CCDC7: variants seen among roughly 807,000 people sequenced by gnomAD.
CCDC7 encodes the protein coiled-coil domain containing 7.
In CCDC7, 183 loss-of-function variants were observed where a neutral mutation model predicts 196.9. The ratio of observed to expected loss-of-function variants is 0.93; its 90% confidence interval spans 0.82 to 1.05. The LOEUF (loss-of-function observed/expected upper bound fraction) is 1.05, where lower values mean the gene tolerates loss of function less well. CCDC7 is among the 50% of genes least tolerant of loss of function. CCDC7 has a pLI of 0.00. For missense variants in CCDC7, 1,540 were observed against 1,482.2 expected, an observed-to-expected ratio of 1.04 and a Z score of -0.64; for synonymous variants, 525 against 484.6, an observed-to-expected ratio of 1.08 and a Z score of -1.10.
At chr10:32,501,040 GGGGAGAGGGAGA>G (rs139553454) in intron 9 of CCDC7, among the ~76,000 whole-genome samples, 26 of 151,874 alleles carry the variant, frequency 1.7e-4, no homozygotes, top group South Asian at 4.2e-4. Flanking sequence ...ACCATGCAAA[GGGGAGAGGGAGA>G]GGGAGAGGGA....
upstream of CCDC7, among the ~76,000 whole-genome samples, chr10:32,445,089 A>T (rs1233892839): frequency 6.6e-6 from 1 of 152,120 alleles, no homozygotes; most frequent in Non-Finnish European, 1.5e-5. Context: ...CCTGACCTCG[A>T]GTGATGCACT....
Position 32,766,167 on chromosome 10 carries a change from T to C in CCDC7, c.2906-12810T>C, listed in dbSNP as rs529003741. 3.6e-4 allele frequency among the ~76,000 whole-genome samples: 55 copies of C among 152,176 alleles called. No individual in the cohort carries two copies. The South Asian group carries it at 0.011, about 30-fold the overall frequency. On this transcript the variant is annotated intron_variant, in intron 28 of 41. Coordinates refer to ENST00000639629, the Ensembl canonical transcript of CCDC7. ...TTTAGGGGCCTTCTACATCATGAAA[T>C]GTTTAGAAGTCTAGTGGAATGGGAC...
intron 16 of CCDC7, among the ~76,000 whole-genome samples, chr10:32,576,369 A>C (rs1180588887): frequency 6.6e-6 from 1 of 151,882 alleles, no homozygotes; most frequent in Admixed American, 6.6e-5. Context: ...CTACTCCCTA[A>C]CTTCTAGGTG....
At chr10:32,668,730 C>T (rs2073389126) in intron 21 of CCDC7, among the ~76,000 whole-genome samples, 1 of 152,136 alleles carries the variant, frequency 6.6e-6, no homozygotes, top group Non-Finnish European at 1.5e-5. Context: ...CCCACTTGAT[C>T]ATGGTGGATA....
intron 21 of CCDC7, among the ~76,000 whole-genome samples, chr10:32,676,608 C>T (rs1203596470): frequency 6.6e-6 from 1 of 152,100 alleles, no homozygotes; most frequent in Admixed American, 6.5e-5. Flanking sequence ...AGCCAAAAAA[C>T]ACATGAAAAA....
At chr10:32,722,835 G>A (rs2082603846) in intron 25 of CCDC7, among the ~76,000 whole-genome samples, 1 of 152,100 alleles carries the variant, frequency 6.6e-6, no homozygotes, top group East Asian at 1.9e-4. Context: ...TCATAGTTGT[G>A]CACCAAATCC....
At chr10:32,553,755 C>G (rs1469989339) in intron 13 of CCDC7, among the ~76,000 whole-genome samples, 1 of 152,076 alleles carries the variant, frequency 6.6e-6, no homozygotes, top group Non-Finnish European at 1.5e-5. Flanking sequence ...TGCACAGAGT[C>G]CTGTGATATG....
At chr10:32,603,723 T>A (rs1254395534) in intron 18 of CCDC7, among the ~76,000 whole-genome samples, 2 of 152,128 alleles carry the variant, frequency 1.3e-5, no homozygotes, top group Non-Finnish European at 2.9e-5. Context: ...GAGCATTTTT[T>A]AAATATTTGC....
At chr10:32,528,032 T>A (rs1316527206) in intron 11 of CCDC7, among the ~76,000 whole-genome samples, 4 of 152,182 alleles carry the variant, frequency 2.6e-5, no homozygotes, top group African/African-American at 9.7e-5. Flanking sequence ...CCTCCCTGCC[T>A]ACCCACTGAC....
At chr10:32,791,844 G>A (rs2082744353) in intron 29 of CCDC7, among the ~76,000 whole-genome samples, 2 of 152,250 alleles carry the variant, frequency 1.3e-5, no homozygotes, top group African/African-American at 2.4e-5. Flanking sequence ...AAGTCTGAAG[G>A]GAGACATGGA....
intron 23 of CCDC7, among the ~76,000 whole-genome samples, chr10:32,690,022 G>A (rs1349247161): frequency 6.6e-6 from 1 of 152,136 alleles, no homozygotes; most frequent in Non-Finnish European, 1.5e-5. Flanking sequence ...GGTGTGAGCC[G>A]TTGCACCTAG....
At chr10:32,697,823 G>A (rs757184432) in intron 24 of CCDC7, among the ~76,000 whole-genome samples, 5 of 152,160 alleles carry the variant, frequency 3.3e-5, no homozygotes, top group Non-Finnish European at 5.9e-5. Context: ...AGACAGCAGT[G>A]GTTCTCCGTG....
chr10:32,824,444 A>G (rs1376837655), intron 31 of CCDC7, 74 bp from the exon 33 acceptor site: 2 of 878,986 alleles, frequency 2.3e-6, no homozygotes, highest in Non-Finnish European at 3.6e-6. Flanking sequence ...TTATGATAGT[A>G]TTAGACACAT....
At chr10:32,519,240 A>G (rs1722616993) in intron 11 of CCDC7, among the ~76,000 whole-genome samples, 1 of 152,180 alleles carries the variant, frequency 6.6e-6, no homozygotes, top group Admixed American at 6.5e-5. Flanking sequence ...GGAATAGAAC[A>G]TTGGTACAAA....
At chr10:32,819,719 A>G (rs987375143) in intron 31 of CCDC7, among the ~76,000 whole-genome samples, 2 of 152,222 alleles carry the variant, frequency 1.3e-5, no homozygotes, top group Non-Finnish European at 2.9e-5. Context: ...CAAAAACCAC[A>G]TGATTATCTC....
chr10:32,449,543 C>T (rs2032433191), upstream of CCDC7, among the ~76,000 whole-genome samples: 1 of 151,878 alleles, frequency 6.6e-6, no homozygotes, highest in Non-Finnish European at 1.5e-5. Context: ...GGCCTGTGAG[C>T]TCATATACCC....
intron 18 of CCDC7, among the ~76,000 whole-genome samples, chr10:32,605,580 G>C (rs2061489936): frequency 6.6e-6 from 1 of 152,216 alleles, no homozygotes; most frequent in African/African-American, 2.4e-5. Flanking sequence ...GAACTTATTG[G>C]AAACTAGAGC....
At chr10:32,653,137 C>T (rs1030394896) in intron 20 of CCDC7, among the ~76,000 whole-genome samples, 1 of 152,148 alleles carries the variant, frequency 6.6e-6, no homozygotes, top group Non-Finnish European at 1.5e-5. Context: ...TTCCCCCTAA[C>T]CTGTAAAATT....
chr10:32,539,192 A>T (rs1207844546), intron 11 of CCDC7, among the ~76,000 whole-genome samples: 1 of 151,750 alleles, frequency 6.6e-6, no homozygotes, highest in East Asian at 1.9e-4. Flanking sequence ...GGAAATTGTT[A>T]TTGGTCTGCT....
Sources: allele counts gnomAD v4.1 joint callset (sites outside exome capture counted in the v4.1 genomes callset), GRCh38; gene constraint gnomAD v4.1.1; transcripts MANE v1.5; gene names NCBI Gene and HGNC (gene_info 2026-07-23, HGNC 2026-07-21).